SORBS2: variants seen among roughly 807,000 people sequenced by gnomAD.
SORBS2 encodes the protein sorbin and SH3 domain containing 2.
A neutral mutation model predicts 97.7 loss-of-function variants in SORBS2; 46 were observed. The ratio of observed to expected loss-of-function variants is 0.47; its 90% CI spans 0.37 to 0.60. SORBS2 has a LOEUF of 0.60. Ranked by LOEUF, SORBS2 falls within the 20% of genes least tolerant of loss-of-function variation. The pLI is 0.00. For missense variants in SORBS2, 1,316 were observed against 1,282.3 expected, an observed-to-expected ratio of 1.03 and a Z score of -0.40; for synonymous variants, 476 against 473.4, an observed-to-expected ratio of 1.01 and a Z score of -0.07.
At chr4:185,696,801 A>G (rs1007918573) in intron 2 of SORBS2, among the ~76,000 whole-genome samples, 1 of 152,190 alleles carries the variant, frequency 6.6e-6, no homozygotes, top group African/African-American at 2.4e-5. Flanking sequence ...ATTACGGAAC[A>G]ACATCTAAGT....
At chr4:185,759,294 A>T (rs2098849845) in intron 2 of SORBS2, among the ~76,000 whole-genome samples, 1 of 152,224 alleles carries the variant, frequency 6.6e-6, no homozygotes, top group Non-Finnish European at 1.5e-5. Flanking sequence ...TCCAATTACC[A>T]ACCAGAAGGA....
chr4:185,600,418 A>G (rs771076982), intron 12 of SORBS2, among the ~76,000 whole-genome samples: 7 of 152,138 alleles, frequency 4.6e-5, no homozygotes, highest in Non-Finnish European at 1.0e-4. Flanking sequence ...GGCTCACTGC[A>G]ACCTCCATCT....
chr4:185,829,346 T>C (rs1266906701), intron 1 of SORBS2, among the ~76,000 whole-genome samples: 1 of 152,222 alleles, frequency 6.6e-6, no homozygotes, highest in South Asian at 2.1e-4. Context: ...TTTTGAACAG[T>C]AGCATAGTAT....
At chr4:185,821,603 T>A (rs1358946181) in intron 1 of SORBS2, among the ~76,000 whole-genome samples, 1 of 152,066 alleles carries the variant, frequency 6.6e-6, no homozygotes, top group Non-Finnish European at 1.5e-5. Context: ...TTTGTATTTT[T>A]AGTAGAGACG....
chr4:185,590,125 G>A (rs77570004), intron 13 of SORBS2, among the ~76,000 whole-genome samples: 10 of 152,228 alleles, frequency 6.6e-5, no homozygotes, highest in African/African-American at 2.2e-4. Context: ...GCCATCTAAC[G>A]TCTATCATTT....
chr4:185,744,105 T>TC (rs2098745569), intron 2 of SORBS2, among the ~76,000 whole-genome samples: 1 of 138,756 alleles, frequency 7.2e-6, no homozygotes, highest in Non-Finnish European at 1.6e-5. Flanking sequence ...CTTTCTCTTC[T>TC]CCCCCTCCTC....
intron 9 of SORBS2, among the ~76,000 whole-genome samples, chr4:185,616,071 A>G (rs551371658): frequency 6.6e-6 from 1 of 152,268 alleles, no homozygotes; most frequent in South Asian, 2.1e-4. Flanking sequence ...ATTAATTTGT[A>G]TCTTCTCCCA....
intron 1 of SORBS2, among the ~76,000 whole-genome samples, chr4:185,846,010 CAT>C (rs1278535149): frequency 6.6e-6 from 1 of 152,232 alleles, no homozygotes; most frequent in East Asian, 1.9e-4. Context: ...TACTGTTAAA[CAT>C]AAACTTCATG....
intron 1 of SORBS2, among the ~76,000 whole-genome samples, chr4:185,869,832 C>T (rs1579262409): frequency 6.6e-6 from 1 of 152,254 alleles, no homozygotes; most frequent in East Asian, 1.9e-4. Context: ...AGCAAATTCC[C>T]CAGCTGCAAA....
At chr4:185,598,274 C>A (rs550923749) in intron 12 of SORBS2, among the ~76,000 whole-genome samples, 3 of 152,186 alleles carry the variant, frequency 2.0e-5, no homozygotes, top group African/African-American at 7.2e-5. Flanking sequence ...TTCATCGTAT[C>A]CTAAATATGT....
chr4:185,854,046 A>T (rs2099219392), intron 1 of SORBS2, among the ~76,000 whole-genome samples: 1 of 152,180 alleles, frequency 6.6e-6, no homozygotes, highest in Non-Finnish European at 1.5e-5. Context: ...TTCTATACTA[A>T]AGAGTGTGAC....
At chr4:185,619,349 C>T (rs10026821) in intron 8 of SORBS2, among the ~76,000 whole-genome samples, 49,006 of 152,116 alleles carry the variant, frequency 0.32, 9,030 homozygotes, top group African/African-American at 0.51. Context: ...CCATTCTTTT[C>T]CCCCATGACT....
intron 1 of SORBS2, among the ~76,000 whole-genome samples, chr4:185,802,944 A>G (rs1416377071): frequency 1.3e-5 from 2 of 152,218 alleles, no homozygotes; most frequent in Non-Finnish European, 2.9e-5. Flanking sequence ...GCGAGAGTGC[A>G]TGCAGATTTC....
chr4:185,728,776 T>G (rs575835195), intron 2 of SORBS2, among the ~76,000 whole-genome samples: 1 of 152,254 alleles, frequency 6.6e-6, no homozygotes, highest in Non-Finnish European at 1.5e-5. Context: ...ATTTAGTGTT[T>G]GGTTTCAGTG....
chr4:185,790,890 T>C lies in SORBS2; in HGVS notation c.-337-15524A>G, dbSNP rs187104859. ...ACAGAAATTGCATTCCTGTTCCACATTGTGTCAATGGAAAGGAAGGCTGAT... is the reference window on the plus strand; with the variant it reads ...ACAGAAATTGCATTCCTGTTCCACACTGTGTCAATGGAAAGGAAGGCTGAT... On this transcript the variant is annotated intron_variant, in intron 1 of 20. Coordinates refer to the SORBS2 transcript ENST00000284776. Among the ~76,000 whole-genome samples, 625 of 152,320 alleles carry C rather than the reference T, an allele frequency of 4.1e-3. 4 individuals carry two copies. Among genetic ancestry groups the C allele is most frequent in the Admixed American group, 6.6e-3 (101 of 15,298 alleles).
chr4:185,800,278 A>G (rs960868013), intron 1 of SORBS2, among the ~76,000 whole-genome samples: 1 of 152,202 alleles, frequency 6.6e-6, no homozygotes, highest in African/African-American at 2.4e-5. Context: ...AAAAGACTGA[A>G]TCCAAGAAAT....
At chr4:185,819,688 G>A (rs934232649) in intron 1 of SORBS2, among the ~76,000 whole-genome samples, 2 of 152,128 alleles carry the variant, frequency 1.3e-5, no homozygotes, top group African/African-American at 4.8e-5. Flanking sequence ...TCAGTGCAGG[G>A]ATCACCCAGG....
At chr4:185,829,907 A>G (rs550864263) in intron 1 of SORBS2, among the ~76,000 whole-genome samples, 1 of 152,334 alleles carries the variant, frequency 6.6e-6, no homozygotes, top group African/African-American at 2.4e-5. Flanking sequence ...GATTTTTCAG[A>G]TTTAAATCTT....
In SORBS2 at chr4:185,751,172, T is replaced by TAAAAAAAAAAAAAAAAAAA. The variant is rs71593649; in HGVS notation, c.-198+24036_-198+24054dup. ...AAGGAATGCTCTTAGCTCTAAATACTAAAAAAAAAAAAAAAAAAAGAGAAA... is the reference window on the plus strand; with the variant it reads ...AAGGAATGCTCTTAGCTCTAAATACTAAAAAAAAAAAAAAAAAAAAAAAAAAAAAAAAAAAAAAGAGAAA... On this transcript the variant is annotated intron_variant, in intron 2 of 20. Coordinates refer to the SORBS2 transcript ENST00000284776. Among the ~76,000 whole-genome samples, 43 of 31,624 alleles carry TAAAAAAAAAAAAAAAAAAA rather than the reference T, an allele frequency of 1.4e-3. 4 individuals carry two copies. Among genetic ancestry groups the TAAAAAAAAAAAAAAAAAAA allele is most frequent in the Admixed American group, 2.7e-3 (8 of 2,946 alleles). 20.7% of individuals were successfully genotyped at this position (31,624 alleles called of 152,430 possible). A position where few individuals can be genotyped will look rare whatever the true frequency, so the allele number is the denominator to read the frequency against.
Sources: allele counts gnomAD v4.1 joint callset (sites outside exome capture counted in the v4.1 genomes callset), GRCh38; gene constraint gnomAD v4.1.1; transcripts MANE v1.5; gene names NCBI Gene and HGNC (gene_info 2026-07-23, HGNC 2026-07-21).